The following ARFGEF1 variants were observed in gnomAD, a reference collection of about 807,000 sequenced individuals.
ARFGEF1 encodes the protein ARF guanine nucleotide exchange factor 1.
ARFGEF1 carries 42 observed loss-of-function variants against 231.0 expected under a neutral mutation model. The observed-to-expected ratio is 0.18, with a 90% CI of 0.14 to 0.24. ARFGEF1 has a LOEUF of 0.24. ARFGEF1 is among the 10% of genes least tolerant of loss of function. The probability of loss-of-function intolerance (pLI) is 1.00; values close to 1 mark genes in which losing one functional copy is unlikely to be tolerated. For missense variants in ARFGEF1, 1,345 were observed against 2,192.0 expected (o/e 0.61, Z 7.72); for synonymous variants, 710 against 732.3 (o/e 0.97, Z 0.49).
rs553294668 is a variant in ARFGEF1 at position 67,277,454 on chromosome 8, A to G, written c.1031T>C (p.Met344Thr). Residue 344 changes from methionine (M) to threonine (T), a missense_variant, in exon 8 of 39, where the codon ATG becomes ACG. Physicochemically the swap from Met to Thr is moderately conservative, Grantham distance 81 (BLOSUM62 -1). Around this residue, in one of 14 missense-constraint regions of ARFGEF1, gnomAD observed 398 missense variants for 463.2 expected, o/e 0.86. Transcript: ENST00000262215. The stretch of plus-strand genomic sequence containing the variant: ...TGCATTTATAGTAGTCCCTTCTCCC[A>G]TATCTAAAATGATAAGAATAAAAAC... The part of the protein sequence containing the change: ...EEMVNIVVGD[M>T]GEGTTINASA... The G allele has an allele frequency of 4.3e-6, 7 of 1,611,382 alleles. No homozygotes were observed. Among genetic ancestry groups the G allele is most frequent in the Non-Finnish European group, 5.9e-6 (7 of 1,178,408 alleles).
At chr8:67,282,574 G>GGTGGA in intron 7 of ARFGEF1, among the ~76,000 whole-genome samples, 1 of 152,000 alleles carries the variant, frequency 6.6e-6, no homozygotes, top group African/African-American at 2.4e-5. Flanking sequence ...TAGGCCAGGC[G>GGTGGA]CGGTGGCTCA....
chr8:67,294,752 CG>C (rs1256281038), intron 5 of ARFGEF1, among the ~76,000 whole-genome samples: 1 of 152,032 alleles, frequency 6.6e-6, no homozygotes, highest in African/African-American at 2.4e-5. Context: ...TTGAGTGGGA[CG>C]GAAGGGATAG....
In ARFGEF1 at chr8:67,197,742, C is replaced by T. The variant is rs1838124798; in HGVS notation, c.*1192G>A. ...ATGCCAGATGGGAATCAATATTGTA[C>T]AGAAAGTTGTACAGAATTTTTTACA... On this transcript the variant is annotated 3_prime_UTR_variant, in exon 39 of 39. Coordinates refer to ENST00000262215, the MANE Select transcript of ARFGEF1 (RefSeq NM_006421.5). 1.1e-5 allele frequency: 11 copies of T among 985,640 alleles called. No individual in the cohort carries two copies. The highest frequency in any genetic ancestry group is 1.3e-5 in the Non-Finnish European group (11 of 829,892). The allele number at this position is 985,640 out of a possible 1,614,324, so 61.1% of individuals were successfully genotyped here.
chr8:67,251,590 T>C (rs1209961220), intron 18 of ARFGEF1, 140 bp from the exon 19 acceptor site: 1 of 791,346 alleles, frequency 1.3e-6, no homozygotes, highest in Non-Finnish European at 1.8e-6. Context: ...CCATATTATA[T>C]GATTACACTT....
intron 17 of ARFGEF1, among the ~76,000 whole-genome samples, chr8:67,254,532 T>C (rs1372943976): frequency 6.6e-6 from 1 of 152,112 alleles, no homozygotes; most frequent in Non-Finnish European, 1.5e-5. Flanking sequence ...CATCAGAAGC[T>C]TGCAAAAACT....
chr8:67,289,987 A>G (rs1227608153), intron 6 of ARFGEF1, among the ~76,000 whole-genome samples: 3 of 152,322 alleles, frequency 2.0e-5, no homozygotes, highest in African/African-American at 7.2e-5. Context: ...ACAGAACAGA[A>G]TAACAATGAC....
chr8:67,311,755 G>C (rs1467683097), intron 1 of ARFGEF1, among the ~76,000 whole-genome samples: 1 of 152,236 alleles, frequency 6.6e-6, no homozygotes, highest in Non-Finnish European at 1.5e-5. Context: ...AGCTCATTGA[G>C]AACGGGCCAG....
At chr8:67,317,360 A>T (rs1298871410) in intron 1 of ARFGEF1, among the ~76,000 whole-genome samples, 1 of 152,116 alleles carries the variant, frequency 6.6e-6, no homozygotes, top group Admixed American at 6.6e-5. Flanking sequence ...CTGGTATCTG[A>T]AGTGAAAACA....
intron 5 of ARFGEF1, among the ~76,000 whole-genome samples, chr8:67,176,786 C>T (rs1831757124): frequency 6.6e-6 from 1 of 152,070 alleles, no homozygotes; most frequent in African/African-American, 2.4e-5. Flanking sequence ...AATATGACCT[C>T]ACTGGCCAGG....
chr8:67,186,969 T>TCATC, intron 5 of ARFGEF1, among the ~76,000 whole-genome samples: 1 of 135,276 alleles, frequency 7.4e-6, no homozygotes, highest in African/African-American at 2.8e-5. Context: ...AATCTATCTA[T>TCATC]CATCTATCTA....
At chr8:67,234,337 T>C (rs1415520765) in intron 22 of ARFGEF1, among the ~76,000 whole-genome samples, 1 of 152,114 alleles carries the variant, frequency 6.6e-6, no homozygotes, top group Non-Finnish European at 1.5e-5. Context: ...ACTAACTACA[T>C]AGAATAAAAG....
downstream of ARFGEF1, among the ~76,000 whole-genome samples, chr8:67,196,618 T>C (rs928097389): frequency 1.3e-5 from 2 of 152,246 alleles, no homozygotes; most frequent in East Asian, 1.9e-4. Flanking sequence ...ATTTTGAGTT[T>C]TGGCTACTTG....
At chr8:67,269,136 A>G (rs979384485) in intron 10 of ARFGEF1, among the ~76,000 whole-genome samples, 5 of 152,202 alleles carry the variant, frequency 3.3e-5, no homozygotes, top group African/African-American at 9.6e-5. Context: ...AACAACAGCT[A>G]TATCTTAAGT....
intron 23 of ARFGEF1, among the ~76,000 whole-genome samples, chr8:67,229,173 A>T (rs1362834514): frequency 6.6e-6 from 1 of 152,058 alleles, no homozygotes; most frequent in Non-Finnish European, 1.5e-5. Context: ...TTAAATCCCC[A>T]ATTTTATAAA....
chr8:67,237,715 G>A (rs921310366), intron 22 of ARFGEF1, among the ~76,000 whole-genome samples: 2 of 152,108 alleles, frequency 1.3e-5, no homozygotes, highest in South Asian at 2.1e-4. Flanking sequence ...GAATCTCGGC[G>A]AACTAAAGTA....
rs1808720556 is a variant in ARFGEF1 at position 67,343,034 on chromosome 8, C to T, written c.124+130G>A. 4 of 1,096,200 alleles carry T rather than the reference C, an allele frequency of 3.6e-6. No homozygotes were observed. The East Asian group carries it at 7.8e-5, about 21-fold the overall frequency. The allele number at this position is 1,096,200 out of a possible 1,614,324, so 67.9% of individuals were successfully genotyped here. ...TCAACTCCAGACAGGGAACAGAGGG[C>T]TCCGCGAGGGCTTCCCGAGGTCAGA... is the stretch of plus-strand genomic sequence containing the variant. On this transcript the variant is annotated intron_variant, in intron 1 of 38. Coordinates refer to ENST00000262215, the MANE Select transcript of ARFGEF1 (RefSeq NM_006421.5).
In ARFGEF1 at chr8:67,300,381, T is replaced by C. The variant is rs183411261; in HGVS notation, c.312+843A>G. On this transcript the variant is annotated intron_variant, in intron 3 of 38. Transcript: ENST00000262215. ...TTAGAAACTTGTCTTACAAATATAA[T>C]ATCTATGAAGATCCTCTGTATATGT... 2.6e-5 allele frequency among the ~76,000 whole-genome samples: 4 copies of C among 152,304 alleles called. No homozygotes were observed. In the East Asian group the frequency reaches 7.7e-4, roughly 29 times the overall value.
chr8:67,275,229 C>T (rs1195012677), intron 9 of ARFGEF1, among the ~76,000 whole-genome samples: 1 of 118,032 alleles, frequency 8.5e-6, no homozygotes, highest in African/African-American at 3.3e-5. Context: ...TGTCATATTG[C>T]AATACATCAT....
chr8:67,267,311 A>C, intron 11 of ARFGEF1, 32 bp downstream of exon 11: 1 of 1,587,128 alleles, frequency 6.3e-7, no homozygotes, highest in Non-Finnish European at 8.6e-7. Flanking sequence ...TAATAATAAG[A>C]AAGAGATAAT....
Sources: gnomAD v4.1 joint callset for allele counts (sites outside exome capture counted in the v4.1 genomes callset) on GRCh38, gnomAD v4.1.1 for gene constraint, gnomAD v4.1.1 regional missense constraint, MANE v1.5 for transcripts, NCBI Gene and HGNC (gene_info 2026-07-23, HGNC 2026-07-21) for gene names.